FAT3: variants seen among roughly 807,000 people sequenced by gnomAD.
The protein encoded by FAT3 is FAT atypical cadherin 3.
FAT3 carries 95 observed loss-of-function variants against 310.2 expected under a neutral mutation model. The observed-to-expected ratio is 0.31, with a 90% confidence interval of 0.26 to 0.36. The LOEUF is 0.36. Among genes scored for constraint, FAT3 ranks in the 10% least tolerant of loss-of-function variants. FAT3 has a pLI of 1.00. For missense variants in FAT3, 5,408 were observed against 5,715.6 expected (o/e 0.95, Z 1.74); for synonymous variants, 2,314 against 2,192.9 (o/e 1.06, Z -1.54).
chr11:92,321,386 G>C (rs1302090769), intron 1 of FAT3, among the ~76,000 whole-genome samples: 1 of 151,320 alleles, frequency 6.6e-6, no homozygotes, highest in South Asian at 2.1e-4. Context: ...GCAGTGAGCC[G>C]AGATCGCGCC....
rs553161176 is a variant in FAT3, at chr11:92,806,560, T to C, written c.9247+45T>C. ...TGAGATAAATGTCATTGTTAATTCA[T>C]GAGAGAAGTTAAACTTATGTGGTCT... is the stretch of plus-strand genomic sequence containing the variant. On this transcript the variant is annotated intron_variant, in intron 12 of 27. Transcript: ENST00000525166. 9 of 1,492,292 alleles carry C rather than the reference T, an allele frequency of 6.0e-6. No individual in the cohort carries two copies. In the African/African-American group the frequency reaches 1.3e-4, roughly 21 times the overall value. The allele number at this position is 1,492,292 out of a possible 1,614,324, so 92.4% of individuals were successfully genotyped here.
intron 19 of FAT3, among the ~76,000 whole-genome samples, chr11:92,849,917 G>T (rs1176950363): frequency 6.6e-6 from 1 of 152,186 alleles, no homozygotes; most frequent in African/African-American, 2.4e-5. Flanking sequence ...CAGTGGGGTG[G>T]GTGGTAAGAA....
At chr11:92,570,788 G>A (rs1275241020) in intron 3 of FAT3, among the ~76,000 whole-genome samples, 1 of 152,170 alleles carries the variant, frequency 6.6e-6, no homozygotes, top group Admixed American at 6.5e-5. Context: ...CAAAGAACCA[G>A]TCGTTTTCAG....
At chr11:92,313,807 C>T (rs1423243802) in intron 1 of FAT3, among the ~76,000 whole-genome samples, 1 of 152,246 alleles carries the variant, frequency 6.6e-6, no homozygotes, top group African/African-American at 2.4e-5. Context: ...ATCTGCCGAC[C>T]TCGGCCTCCC....
chr11:92,261,321 C>A (rs1865545407), intron 1 of FAT3, among the ~76,000 whole-genome samples: 1 of 152,032 alleles, frequency 6.6e-6, no homozygotes, highest in African/African-American at 2.4e-5. Flanking sequence ...CTATTGTCTC[C>A]AACCTGGGGC....
At chr11:92,620,040 G>A (rs550256124) in intron 3 of FAT3, among the ~76,000 whole-genome samples, 41 of 152,096 alleles carry the variant, frequency 2.7e-4, no homozygotes, top group African/African-American at 9.9e-4. Flanking sequence ...GTACATCTAT[G>A]TTATGCTTTT....
chr11:92,584,351 A>T (rs77392533), intron 3 of FAT3, among the ~76,000 whole-genome samples: 52 of 152,134 alleles, frequency 3.4e-4, no homozygotes, highest in Non-Finnish European at 6.2e-4. Flanking sequence ...ATCATTTTTT[A>T]AAAAATGATT....
At chr11:92,687,778 C>T (rs546817491) in intron 3 of FAT3, among the ~76,000 whole-genome samples, 11 of 152,132 alleles carry the variant, frequency 7.2e-5, no homozygotes, top group East Asian at 1.9e-4. Flanking sequence ...CAGTGTGTAA[C>T]GCTATAGGCG....
chr11:92,442,111 A>ATATATATTTTTTTTTTTTT (rs1453396603), intron 2 of FAT3, among the ~76,000 whole-genome samples: 1 of 45,214 alleles, frequency 2.2e-5, no homozygotes, highest in African/African-American at 1.8e-4. Flanking sequence ...ATATATATAT[A>ATATATATTTTTTTTTTTTT]TTTTTTTTTT....
chr11:92,796,453 A>T (rs369268657), intron 9 of FAT3, among the ~76,000 whole-genome samples: 2 of 152,210 alleles, frequency 1.3e-5, no homozygotes, highest in East Asian at 1.9e-4. Flanking sequence ...TTTTGTGTTC[A>T]GACATGGAAA....
chr11:92,255,231 G>A (rs901730734), intron 1 of FAT3, among the ~76,000 whole-genome samples: 1 of 151,542 alleles, frequency 6.6e-6, no homozygotes, highest in African/African-American at 2.4e-5. Flanking sequence ...GCCCCTCCCT[G>A]GGTTTGTAGC....
intron 1 of FAT3, among the ~76,000 whole-genome samples, chr11:92,334,094 A>T (rs1156924098): frequency 2.0e-5 from 3 of 152,002 alleles, no homozygotes; most frequent in Admixed American, 1.3e-4. Flanking sequence ...TTAAAGGGGG[A>T]GGTTGGGTGT....
chr11:92,380,538 G>A (rs16917467), intron 2 of FAT3, among the ~76,000 whole-genome samples: 1,644 of 152,234 alleles, frequency 0.011, 32 homozygotes, highest in African/African-American at 0.038. Context: ...AACACTGTGA[G>A]GCATAATTAT....
At position 92,354,684 on chromosome 11, in the gene FAT3, A is replaced by G; in HGVS notation, c.2572A>G (p.Lys858Glu). Residue 858 changes from lysine to glutamate, a missense_variant, in exon 2 of 28, where the codon AAA becomes GAA. By Grantham distance (56) the Lys-to-Glu change is moderately conservative (BLOSUM62 1). Coordinates refer to ENST00000525166, the MANE Select transcript of FAT3 (RefSeq NM_001367949.2). ...AATCATTCAAGTGGAAGCCAGAGAC[A>G]AAGACTTAGGTTCTAATGGTGAAGT... ...TEIIQVEARD[K>E]DLGSNGEVTY... The G allele has an allele frequency of 6.2e-7, 1 of 1,613,874 alleles. No individual in the cohort carries two copies. Among genetic ancestry groups the G allele is most frequent in the Non-Finnish European group, 8.5e-7 (1 of 1,179,862 alleles).
chr11:92,380,109 G>GTT (rs1555028348), intron 2 of FAT3, among the ~76,000 whole-genome samples: 1 of 147,250 alleles, frequency 6.8e-6, no homozygotes, highest in Non-Finnish European at 1.5e-5. Context: ...GTGTGTGTGT[G>GTT]TTCAATGAAG....
At chr11:92,797,781 AAAG>A in intron 9 of FAT3, 52 bp from the exon 10 acceptor site, 1 of 1,503,034 alleles carries the variant, frequency 6.7e-7, no homozygotes, top group South Asian at 1.3e-5. Flanking sequence ...AGTTAATCAA[AAAG>A]ATTTCAGTGA....
chr11:92,363,520 C>G (rs1479901699), intron 2 of FAT3, among the ~76,000 whole-genome samples: 1 of 152,244 alleles, frequency 6.6e-6, no homozygotes, highest in Admixed American at 6.5e-5. Flanking sequence ...TTTTCCCAAA[C>G]TTGCCTGGCA....
At chr11:92,582,271 G>A (rs1938848519) in intron 3 of FAT3, among the ~76,000 whole-genome samples, 1 of 151,742 alleles carries the variant, frequency 6.6e-6, no homozygotes, top group Non-Finnish European at 1.5e-5. Context: ...ATCTCATCCT[G>A]GGACTTAGAA....
intron 2 of FAT3, among the ~76,000 whole-genome samples, chr11:92,369,612 G>C (rs80036542): frequency 0.077 from 11,754 of 152,158 alleles, 662 homozygotes; most frequent in African/African-American, 0.15. Context: ...CAGATCATGA[G>C]GTCAAGGCAG....
Sources: gnomAD v4.1 joint callset for allele counts (sites outside exome capture counted in the v4.1 genomes callset) on GRCh38, gnomAD v4.1.1 for gene constraint, MANE v1.5 for transcripts, NCBI Gene and HGNC (gene_info 2026-07-23, HGNC 2026-07-21) for gene names.